MOK: variants seen among roughly 807,000 people sequenced by gnomAD.
MOK encodes MOK protein kinase.
A neutral mutation model predicts 54.2 loss-of-function variants in MOK; 59 were observed. That is an observed-to-expected ratio of 1.09 (90% confidence interval 0.88 to 1.35). The LOEUF (loss-of-function observed/expected upper bound fraction) is 1.35, where lower values mean the gene tolerates loss of function less well. Ranked by LOEUF, MOK falls within the 40% of genes most tolerant of loss-of-function variation. MOK has a pLI of 0.00. For missense variants in MOK, 517 were observed against 526.2 expected (o/e 0.98, Z 0.17); for synonymous variants, 210 against 202.7 (o/e 1.04, Z -0.31).
At chr14:102,221,832 A>G (rs924575912), downstream of MOK, among the ~76,000 whole-genome samples, 2 of 152,168 alleles carry the variant, frequency 1.3e-5, no homozygotes, top group African/African-American at 4.8e-5. The surrounding 1 kb of genome is among the most constrained non-coding windows in gnomAD (Gnocchi z 4.8). Flanking sequence ...TGTCATTTGT[A>G]AACAGTACTC....
chr14:102,285,578 G>A (rs1016214610), intron 1 of MOK, among the ~76,000 whole-genome samples: 1 of 152,198 alleles, frequency 6.6e-6, no homozygotes, highest in African/African-American at 2.4e-5. Flanking sequence ...ATTTCCAGGT[G>A]AAAATGATAC....
chr14:102,298,094 G>C (rs575281922), intron 1 of MOK, among the ~76,000 whole-genome samples: 1 of 152,208 alleles, frequency 6.6e-6, no homozygotes, highest in Non-Finnish European at 1.5e-5. Flanking sequence ...TGGGACTGGC[G>C]GGCAGCTCCA....
intron 4 of MOK, among the ~76,000 whole-genome samples, chr14:102,262,015 G>T (rs1422499096): frequency 6.6e-6 from 1 of 150,878 alleles, no homozygotes; most frequent in Admixed American, 6.6e-5. Context: ...TAATTTTTTT[G>T]TATTTTTAAT....
At chr14:102,296,755 T>C (rs1174973716) in intron 1 of MOK, among the ~76,000 whole-genome samples, 2 of 151,948 alleles carry the variant, frequency 1.3e-5, no homozygotes, top group Non-Finnish European at 2.9e-5. Flanking sequence ...CCCTCATCTC[T>C]AAAAAAATAA....
Position 102,232,015 on chromosome 14 carries a change from T to C in MOK, c.867-194A>G. ...ACAGTCTCTGGGCCAGGAACAGAGCTGGCTCCATGAATCAGAAGCGCTGCC... is the reference window on the plus strand; with the variant it reads ...ACAGTCTCTGGGCCAGGAACAGAGCCGGCTCCATGAATCAGAAGCGCTGCC... On this transcript the variant is annotated intron_variant, in intron 9 of 11. Coordinates refer to ENST00000361847, the MANE Select transcript of MOK (RefSeq NM_014226.3). The surrounding 1 kb of genome is among the most constrained non-coding windows in gnomAD (Gnocchi z 5.1). 2.0e-6 allele frequency: 1 copy of C among 498,428 alleles called. No individual in the cohort carries two copies. 30.9% of individuals were successfully genotyped at this position (498,428 alleles called of 1,614,324 possible).
In MOK at chr14:102,229,080, T is replaced by G; in HGVS notation, c.*209A>C. ...GAAAGAAAACCCTAGAATGCGGTGGTTTTACAAGTATATTAGCCCAGAACA... is the reference window on the plus strand; with the variant it reads ...GAAAGAAAACCCTAGAATGCGGTGGGTTTACAAGTATATTAGCCCAGAACA... On this transcript the variant is annotated 3_prime_UTR_variant, in exon 12 of 12. Transcript: ENST00000361847. 1.9e-6 allele frequency: 1 copy of G among 518,166 alleles called. No individual in the cohort carries two copies. The highest frequency in any genetic ancestry group is 3.3e-6 in the Non-Finnish European group (1 of 298,884). The allele number at this position is 518,166 out of a possible 1,614,324, so 32.1% of individuals were successfully genotyped here.
rs542569561 is a variant in MOK at position 102,242,034 on chromosome 14, C to T, written c.591-8245G>A. On this transcript the variant is annotated intron_variant, in intron 7 of 11. Transcript: ENST00000361847. The stretch of plus-strand genomic sequence containing the variant: ...CTCGCCCAGCAGCCACTCCCAGAGT[C>T]CCTGGAACTCTGGCCCAAGGCTCTC... Among the ~76,000 whole-genome samples the T allele has an allele frequency of 3.9e-5, 6 of 152,348 alleles. No homozygotes were observed. In the South Asian group the frequency reaches 1.2e-3, roughly 32 times the overall value.
rs953631823 is a variant in MOK at position 102,232,791 on chromosome 14, T to C, written c.693-83A>G. On this transcript the variant is annotated intron_variant, in intron 8 of 11. Coordinates refer to ENST00000361847, the MANE Select transcript of MOK (RefSeq NM_014226.3). This position sits in a 1 kb window ranked among gnomAD's most constrained non-coding sequence, Gnocchi z 5.1. ...TCCACTGTCACAACTAAGGGCCCTG[T>C]GTGGTGGGGAATGGTTTATGACTGC... 13 of 1,279,292 alleles carry C rather than the reference T, an allele frequency of 1.0e-5. No individual in the cohort carries two copies. In the Middle Eastern group the frequency reaches 5.7e-4, roughly 57 times the overall value. 79.2% of individuals were successfully genotyped at this position (1,279,292 alleles called of 1,614,324 possible). A position where few individuals can be genotyped will look rare whatever the true frequency, so the allele number is the denominator to read the frequency against.
chr14:102,231,601 G>C lies in MOK; in HGVS notation c.981+106C>G. The C allele has an allele frequency of 1.1e-6, 1 of 939,422 alleles. No individual in the cohort carries two copies. 58.2% of individuals were successfully genotyped at this position (939,422 alleles called of 1,614,324 possible). On this transcript the variant is annotated intron_variant, in intron 10 of 11. Transcript: ENST00000361847. This position sits in a 1 kb window ranked among gnomAD's most constrained non-coding sequence, Gnocchi z 4.4. Reference sequence around the variant, plus strand: ...CAGGCCTCGACTGACAATGTGGTCTGCCACAGCCTCCACAGGTGGCGTCCT... The same window carrying C: ...CAGGCCTCGACTGACAATGTGGTCTCCCACAGCCTCCACAGGTGGCGTCCT...
chr14:102,225,449 C>T (rs2064204353), downstream of MOK: 1 of 152,190 alleles, frequency 6.6e-6, no homozygotes, highest in African/African-American at 2.4e-5. Flanking sequence ...AAGTTTAATA[C>T]CAGGACAATA....
rs1441105923 is a variant in MOK, at chr14:102,305,024, A to T, written c.-56T>A. The T allele has an allele frequency of 1.3e-6, 2 of 1,595,346 alleles. No individual in the cohort carries two copies. The highest frequency in any genetic ancestry group is 2.7e-5 in the African/African-American group (2 of 74,766). ...GCCGACACTGGACGGAAAAGAAAGA[A>T]GCAGGAAGGTTGTCCCCCTGCTTTC... is the stretch of plus-strand genomic sequence containing the variant. On this transcript the variant is annotated 5_prime_UTR_variant, in exon 1 of 12. Coordinates refer to ENST00000361847, the MANE Select transcript of MOK (RefSeq NM_014226.3).
intron 4 of MOK, among the ~76,000 whole-genome samples, chr14:102,258,712 C>A (rs2067162247): frequency 6.6e-6 from 1 of 152,222 alleles, no homozygotes; most frequent in Non-Finnish European, 1.5e-5. Context: ...AAGAAATCTA[C>A]CCCAGCAATT....
downstream of MOK, chr14:102,222,898 C>T (rs776734150): frequency 1.6e-5 from 26 of 1,613,938 alleles, no homozygotes; most frequent in Middle Eastern, 1.6e-4. The surrounding 1 kb of genome is among the most constrained non-coding windows in gnomAD (Gnocchi z 4.4). Context: ...CTCACTGCTG[C>T]GCGCACAGTC....
At chr14:102,250,494 G>T (rs1363537275) in intron 7 of MOK, among the ~76,000 whole-genome samples, 1 of 152,032 alleles carries the variant, frequency 6.6e-6, no homozygotes, top group Non-Finnish European at 1.5e-5. Context: ...TCTCAGGGGA[G>T]GTTTGGCTCA....
chr14:102,286,359 C>T (rs984183097), intron 1 of MOK, among the ~76,000 whole-genome samples: 4 of 149,768 alleles, frequency 2.7e-5, no homozygotes, highest in South Asian at 2.1e-4. Context: ...CAGTGGCTCA[C>T]GCCTGTAATC....
intron 2 of MOK, among the ~76,000 whole-genome samples, chr14:102,272,894 G>A (rs908594259): frequency 3.9e-5 from 6 of 152,090 alleles, no homozygotes; most frequent in South Asian, 2.1e-4. Flanking sequence ...GTCATGGGCC[G>A]GGCACAGTGG....
In MOK at chr14:102,230,017, A is replaced by G. The variant is rs1239213351; in HGVS notation, c.982-360T>C. The G allele has an allele frequency of 8.1e-6, 2 of 246,790 alleles. No homozygotes were observed. The highest frequency in any genetic ancestry group is 5.0e-5 in the Admixed American group (1 of 20,174). The allele number at this position is 246,790 out of a possible 1,614,324, so 15.3% of individuals were successfully genotyped here. A position where few individuals can be genotyped will look rare whatever the true frequency, so the allele number is the denominator to read the frequency against. On this transcript the variant is annotated intron_variant, in intron 10 of 11. Coordinates refer to ENST00000361847, the MANE Select transcript of MOK (RefSeq NM_014226.3). The surrounding 1 kb of genome is among the most constrained non-coding windows in gnomAD (Gnocchi z 4.1). ...GTTTTGGGTGGCTTGTGAGCTAAGG[A>G]TGGTTTTACATTTGGGGTTTTTTGT... is the stretch of plus-strand genomic sequence containing the variant.
In MOK at chr14:102,256,909, T is replaced by A. The variant is rs186655853; in HGVS notation, c.284-4914A>T. Among the ~76,000 whole-genome samples, 6 of 152,038 alleles carry A rather than the reference T, an allele frequency of 3.9e-5. No individual in the cohort carries two copies. The East Asian group carries it at 1.2e-3, about 29-fold the overall frequency. The stretch of plus-strand genomic sequence containing the variant: ...AGCACACGCGCCCAAATACACAAAC[T>A]AGGATCGCTGGCGGGTAGCCATGCT... On this transcript the variant is annotated intron_variant, in intron 4 of 11. Transcript: ENST00000361847.
At chr14:102,285,678 G>A (rs1194308552) in intron 1 of MOK, among the ~76,000 whole-genome samples, 2 of 151,930 alleles carry the variant, frequency 1.3e-5, no homozygotes, top group South Asian at 2.1e-4. Context: ...GATCACTTGA[G>A]GCCAGGAGTT....
Sources: gnomAD v4.1 joint callset for allele counts (sites outside exome capture counted in the v4.1 genomes callset) on GRCh38, gnomAD v4.1.1 for gene constraint, Gnocchi (gnomAD v3.1) non-coding constraint, MANE v1.5 for transcripts, NCBI Gene and HGNC (gene_info 2026-07-23, HGNC 2026-07-21) for gene names.